ANK2: variants seen among roughly 807,000 people sequenced by gnomAD.
The protein encoded by ANK2 is ankyrin-2.
Under a neutral mutation model 360.5 loss-of-function variants are expected in ANK2, and 83 were observed. The observed-to-expected ratio is 0.23, with a 90% CI of 0.19 to 0.28. ANK2 has a LOEUF of 0.28. Ranked by LOEUF, ANK2 falls within the 10% of genes least tolerant of loss-of-function variation. ANK2 has a pLI of 1.00. For synonymous variants in ANK2, 1,740 were observed against 1,759.5 expected (o/e 0.99, Z 0.28); for missense variants, 4,201 against 4,795.7 (o/e 0.88, Z 3.66).
At chr4:113,119,768 G>A (rs973729711) in intron 1 of ANK2, among the ~76,000 whole-genome samples, 4 of 151,936 alleles carry the variant, frequency 2.6e-5, no homozygotes, top group Non-Finnish European at 4.4e-5. Flanking sequence ...GGGCTTGAAA[G>A]AAAATAAATA....
At chr4:112,846,175 G>A (rs552713319) in intron 1 of ANK2, among the ~76,000 whole-genome samples, 99 of 151,992 alleles carry the variant, frequency 6.5e-4, no homozygotes, top group African/African-American at 2.3e-3. Context: ...GAGTGCAGTG[G>A]CACAATTACG....
chr4:113,143,635 G>A (rs1182943513), intron 1 of ANK2, among the ~76,000 whole-genome samples: 3 of 152,204 alleles, frequency 2.0e-5, no homozygotes, highest in East Asian at 1.9e-4. Flanking sequence ...AATCTTGGTT[G>A]GCATTCTTTG....
At chr4:113,351,345 G>A (rs901866289) in intron 37 of ANK2, among the ~76,000 whole-genome samples, 1 of 152,092 alleles carries the variant, frequency 6.6e-6, no homozygotes, top group Non-Finnish European at 1.5e-5. Flanking sequence ...CTAAGTTATG[G>A]AAGTTGCTTT....
chr4:113,347,871 G>T, intron 35 of ANK2: 1 of 186,622 alleles, frequency 5.4e-6, no homozygotes, highest in Non-Finnish European at 1.1e-5. Context: ...AATATTGCCT[G>T]TGTATTGAAA....
At chr4:112,946,602 A>T (rs149012135) in intron 2 of ANK2, among the ~76,000 whole-genome samples, 2 of 152,190 alleles carry the variant, frequency 1.3e-5, no homozygotes, top group African/African-American at 4.8e-5. Context: ...CTTACAAATA[A>T]ATTAAGTTTA....
chr4:112,869,781 G>A (rs1396571762), intron 1 of ANK2, among the ~76,000 whole-genome samples: 1 of 152,030 alleles, frequency 6.6e-6, no homozygotes. Context: ...CGCCTTAGTT[G>A]AAGTGATTCT....
At position 113,276,035 on chromosome 4, in the gene ANK2, G is replaced by A. The variant is rs986606151; in HGVS notation, c.1683+1386G>A. ...TGGCTCACTGCAACCTCTGCCTCCC[G>A]GGTTCAAGCGATTCTTCTGCCTCAG... On this transcript the variant is annotated intron_variant, in intron 15 of 45. Coordinates refer to ENST00000357077, the MANE Select transcript of ANK2 (RefSeq NM_001148.6). 1.0e-4 allele frequency among the ~76,000 whole-genome samples: 15 copies of A among 146,150 alleles called. 1 individual carries two copies. The highest frequency in any genetic ancestry group is 3.4e-3 in the Middle Eastern group (1 of 296).
chr4:113,315,943 C>T (rs1234449917), intron 24 of ANK2, among the ~76,000 whole-genome samples: 1 of 151,326 alleles, frequency 6.6e-6, no homozygotes, highest in East Asian at 1.9e-4. Flanking sequence ...CTCGTGCCAC[C>T]TGGTACAAAA....
intron 4 of ANK2, among the ~76,000 whole-genome samples, chr4:113,219,548 G>A (rs184471633): frequency 0.028 from 4,236 of 152,004 alleles, 98 homozygotes; most frequent in East Asian, 0.068. Context: ...ATCTTATTTT[G>A]TGTTTTCCCC....
chr4:113,284,094 G>A (rs2063448564), intron 18 of ANK2, among the ~76,000 whole-genome samples: 1 of 152,172 alleles, frequency 6.6e-6, no homozygotes, highest in African/African-American at 2.4e-5. Context: ...AAAGCACGAT[G>A]AGAGCAAATT....
chr4:113,294,246 G>C (rs938807550), intron 22 of ANK2, among the ~76,000 whole-genome samples: 1 of 152,096 alleles, frequency 6.6e-6, no homozygotes, highest in African/African-American at 2.4e-5. Context: ...CCATTCAGTG[G>C]GAGCAAAGTT....
At chr4:113,181,305 T>C (rs1489402707) in intron 2 of ANK2, among the ~76,000 whole-genome samples, 1 of 152,174 alleles carries the variant, frequency 6.6e-6, no homozygotes, top group Non-Finnish European at 1.5e-5. Context: ...AACACTCTCT[T>C]TCTATGGCTA....
chr4:112,992,148 CTT>C (rs767245844), intron 2 of ANK2, among the ~76,000 whole-genome samples: 11 of 143,818 alleles, frequency 7.6e-5, no homozygotes, highest in Admixed American at 1.4e-4. Context: ...TCTACTTCTA[CTT>C]TTTTTTTTTT....
chr4:113,227,621 A>G (rs2153517171), intron 4 of ANK2, among the ~76,000 whole-genome samples: 1 of 152,314 alleles, frequency 6.6e-6, no homozygotes, highest in East Asian at 1.9e-4. Flanking sequence ...AGGAGATTCT[A>G]TCACACAGCC....
the ANK2 span, among the ~76,000 whole-genome samples, chr4:112,776,691 T>C: frequency 2.6e-5 from 4 of 152,336 alleles, no homozygotes; most frequent in East Asian, 7.7e-4. Context: ...GTCTTAGAGT[T>C]TTCATCACAT....
the ANK2 span, among the ~76,000 whole-genome samples, chr4:112,779,882 G>T: frequency 1.3e-5 from 2 of 152,158 alleles, no homozygotes; most frequent in African/African-American, 4.8e-5. Context: ...CAGGAACTCT[G>T]CCAGAAGATG....
rs181567215 is a variant in ANK2, at chr4:112,919,281, T to A, written c.21+14767T>A. On this transcript the variant is annotated intron_variant, in intron 2 of 30. Coordinates refer to the ANK2 transcript ENST00000503271. ...AATTTATTATTTTATAATTTGTAAC[T>A]CCATTAGCGTTACTCAGCTTTTATC... Among the ~76,000 whole-genome samples, 216 of 152,250 alleles carry A rather than the reference T, an allele frequency of 1.4e-3. 1 individual carries two copies. The highest frequency in any genetic ancestry group is 4.8e-3 in the African/African-American group (201 of 41,566).
the ANK2 span, among the ~76,000 whole-genome samples, chr4:112,725,552 G>T: frequency 4.0e-5 from 6 of 151,778 alleles, no homozygotes; most frequent in African/African-American, 1.2e-4. Flanking sequence ...TAGAAACAGG[G>T]TTTCACCATG....
intron 2 of ANK2, among the ~76,000 whole-genome samples, chr4:112,979,196 C>T (rs892037081): frequency 1.3e-5 from 2 of 152,112 alleles, no homozygotes; most frequent in Admixed American, 6.5e-5. Flanking sequence ...TGCAGAGTGG[C>T]GAGGGGTGTG....
Sources: allele counts gnomAD v4.1 joint callset (sites outside exome capture counted in the v4.1 genomes callset), GRCh38; gene constraint gnomAD v4.1.1; transcripts MANE v1.5; gene names NCBI Gene and HGNC (gene_info 2026-07-23, HGNC 2026-07-21).